PKNOX1: variants seen among roughly 807,000 people sequenced by gnomAD.
PKNOX1 encodes the protein homeobox protein PKNOX1.
PKNOX1 carries 15 observed loss-of-function variants against 51.9 expected under a neutral mutation model. That is an observed-to-expected ratio of 0.29 (90% CI 0.19 to 0.45). The LOEUF is 0.45. PKNOX1 is among the 20% of genes least tolerant of loss of function. The probability of loss-of-function intolerance (pLI) is 1.00; values close to 1 mark genes in which losing one functional copy is unlikely to be tolerated. For missense variants in PKNOX1, 462 were observed against 547.5 expected, an observed-to-expected ratio of 0.84 and a Z score of 1.56; for synonymous variants, 219 against 211.1, an observed-to-expected ratio of 1.04 and a Z score of -0.32.
chr21:42,991,754 A>T (rs557682830), intron 1 of PKNOX1, among the ~76,000 whole-genome samples: 1 of 152,266 alleles, frequency 6.6e-6, no homozygotes, highest in East Asian at 1.9e-4. Flanking sequence ...AAACAAACCA[A>T]AAAAACAAAT....
In PKNOX1 at chr21:43,030,127, T is replaced by A. The variant is rs371433559; in HGVS notation, c.*26T>A. On this transcript the variant is annotated 3_prime_UTR_variant, in exon 11 of 11. Coordinates refer to ENST00000291547, the MANE Select transcript of PKNOX1 (RefSeq NM_004571.5). ...GGGCAGGAGCAGACGCACCTGACTT[T>A]TTGGAGTTTGCACAGCAAACATTTT... 641 of 1,530,442 alleles carry A rather than the reference T, an allele frequency of 4.2e-4. 1 individual carries two copies. The highest frequency in any genetic ancestry group is 6.1e-4 in the Middle Eastern group (3 of 4,882). 94.8% of individuals were successfully genotyped at this position (1,530,442 alleles called of 1,614,324 possible).
intron 1 of PKNOX1, among the ~76,000 whole-genome samples, chr21:42,975,002 C>G (rs1205533149): frequency 6.8e-6 from 1 of 146,452 alleles, no homozygotes; most frequent in Non-Finnish European, 1.5e-5. Flanking sequence ...GATCGAAGCG[C>G]GCGCTCCTAA....
chr21:42,979,007 C>T (rs1233258955), intron 1 of PKNOX1, among the ~76,000 whole-genome samples: 1 of 152,208 alleles, frequency 6.6e-6, no homozygotes, highest in Admixed American at 6.5e-5. Context: ...TAAAGTGGTT[C>T]TCCCACCTCA....
At chr21:42,991,570 C>CA (rs1412636860) in intron 1 of PKNOX1, among the ~76,000 whole-genome samples, 1 of 151,730 alleles carries the variant, frequency 6.6e-6, no homozygotes, top group Non-Finnish European at 1.5e-5. Flanking sequence ...ACTAAAAATT[C>CA]AAAAAAATTT....
At chr21:42,974,836 C>T (rs1027011892) in intron 1 of PKNOX1, among the ~76,000 whole-genome samples, 172 bp downstream of exon 1, 7 of 147,736 alleles carry the variant, frequency 4.7e-5, no homozygotes, top group Admixed American at 6.7e-5. Flanking sequence ...GGGCAGGGGG[C>T]GGGGAGGGGG....
Position 43,032,314 on chromosome 21 carries a change from T to TTCCCTCTCCACCCTCCGTCTCTTCG in PKNOX1, c.*2219_*2220insTCCACCCTCCGTCTCTTCGTCCCTC. Reference sequence around the variant, plus strand: ...ATGAAAGCCAGCCAGCCCTTCCTCCTTCCCTCACCACCCTCCGTCTCTTCG... The same window carrying TTCCCTCTCCACCCTCCGTCTCTTCG: ...ATGAAAGCCAGCCAGCCCTTCCTCCTTCCCTCTCCACCCTCCGTCTCTTCGTCCCTCACCACCCTCCGTCTCTTCG... On this transcript the variant is annotated 3_prime_UTR_variant, in exon 11 of 11. Transcript: ENST00000291547. The TTCCCTCTCCACCCTCCGTCTCTTCG allele has an allele frequency of 2.4e-6, 1 of 414,962 alleles. No homozygotes were observed. Among genetic ancestry groups the TTCCCTCTCCACCCTCCGTCTCTTCG allele is most frequent in the Non-Finnish European group, 4.9e-6 (1 of 202,554 alleles). 25.7% of individuals were successfully genotyped at this position (414,962 alleles called of 1,614,324 possible).
At chr21:42,997,494 A>T (rs1402148111) in intron 1 of PKNOX1, among the ~76,000 whole-genome samples, 1 of 152,260 alleles carries the variant, frequency 6.6e-6, no homozygotes, top group Non-Finnish European at 1.5e-5. Flanking sequence ...CAAGCAAATT[A>T]TGTGTCCAAA....
intron 1 of PKNOX1, among the ~76,000 whole-genome samples, chr21:42,987,403 AAATATATAT>A (rs2059058618): frequency 1.1e-5 from 1 of 88,530 alleles, no homozygotes; most frequent in African/African-American, 3.8e-5. Context: ...AAAAAAAAAA[AAATATATAT>A]ATATATATAT....
chr21:43,018,885 C>G (rs1368126577), intron 7 of PKNOX1, among the ~76,000 whole-genome samples: 1 of 151,984 alleles, frequency 6.6e-6, no homozygotes, highest in African/African-American at 2.4e-5. Flanking sequence ...GTCAGGAGTT[C>G]AAGACTAGCC....
rs573313073 is a variant in PKNOX1 at position 42,980,682 on chromosome 21, C to A, written c.-57+6018C>A. ...CAGTTATTAAAATACTGTATTGAAC[C>A]AAATTGGTGATAGTCCCATTTATTA... On this transcript the variant is annotated intron_variant, in intron 1 of 10. Coordinates refer to ENST00000291547, the MANE Select transcript of PKNOX1 (RefSeq NM_004571.5). Among the ~76,000 whole-genome samples the A allele has an allele frequency of 7.2e-5, 11 of 152,250 alleles. No homozygotes were observed. In the South Asian group the frequency reaches 1.9e-3, roughly 26 times the overall value.
At chr21:42,981,114 G>A (rs2059023173) in intron 1 of PKNOX1, among the ~76,000 whole-genome samples, 1 of 152,240 alleles carries the variant, frequency 6.6e-6, no homozygotes, top group Non-Finnish European at 1.5e-5. Flanking sequence ...TTGCATCCGT[G>A]TGCAGCACTG....
At chr21:42,991,666 GGAGCTTGCGGT>G (rs2059087883) in intron 1 of PKNOX1, among the ~76,000 whole-genome samples, 1 of 151,842 alleles carries the variant, frequency 6.6e-6, no homozygotes, top group South Asian at 2.1e-4. Flanking sequence ...AGGCGGAGGC[GGAGCTTGCGGT>G]GAGCCAAGAT....
intron 2 of PKNOX1, among the ~76,000 whole-genome samples, chr21:43,005,992 G>A (rs546124949): frequency 2.0e-5 from 3 of 152,174 alleles, no homozygotes; most frequent in South Asian, 4.1e-4. Flanking sequence ...TATCTACAGC[G>A]TAGACCTATC....
intron 1 of PKNOX1, among the ~76,000 whole-genome samples, chr21:42,991,502 G>T (rs929613022): frequency 2.6e-5 from 4 of 152,108 alleles, no homozygotes; most frequent in Non-Finnish European, 4.4e-5. Context: ...CGAGGCAGTA[G>T]GATCATGAGG....
chr21:43,019,438 T>G (rs1979660079), intron 7 of PKNOX1, among the ~76,000 whole-genome samples: 1 of 151,854 alleles, frequency 6.6e-6, no homozygotes, highest in Non-Finnish European at 1.5e-5. Flanking sequence ...TTTTTGAGAC[T>G]TTGCAAACCT....
At chr21:43,025,632 G>A (rs1017633787) in intron 9 of PKNOX1, among the ~76,000 whole-genome samples, 19 of 152,174 alleles carry the variant, frequency 1.2e-4, no homozygotes, top group Non-Finnish European at 5.9e-5. Flanking sequence ...ACTGAAGTGG[G>A]GGGTGGTCTT....
intron 2 of PKNOX1, among the ~76,000 whole-genome samples, chr21:43,006,435 C>T (rs549913835): frequency 1.3e-5 from 2 of 152,096 alleles, no homozygotes; most frequent in East Asian, 3.9e-4. Flanking sequence ...CTTTTTAAGG[C>T]TTTTTATACA....
At chr21:43,027,316 C>T (rs1417789759) in intron 9 of PKNOX1, among the ~76,000 whole-genome samples, 2 of 152,152 alleles carry the variant, frequency 1.3e-5, no homozygotes, top group Admixed American at 6.5e-5. Flanking sequence ...GGCGCTTTCA[C>T]GGGACAGATG....
At chr21:43,007,644 G>A in intron 3 of PKNOX1, 26 bp downstream of exon 3, 1 of 1,613,698 alleles carries the variant, frequency 6.2e-7, no homozygotes, top group Non-Finnish European at 8.5e-7. Context: ...CCGGCTGTGG[G>A]GGCCTCAGAG....
Sources: allele counts gnomAD v4.1 joint callset (sites outside exome capture counted in the v4.1 genomes callset), GRCh38; gene constraint gnomAD v4.1.1; transcripts MANE v1.5; gene names NCBI Gene and HGNC (gene_info 2026-07-23, HGNC 2026-07-21).